NPIPB11: variants seen among roughly 807,000 people sequenced by gnomAD.
NPIPB11 encodes the protein nuclear pore complex-interacting protein family member B11.
NPIPB11 carries 17 observed loss-of-function variants against 32.8 expected under a neutral mutation model. The ratio of observed to expected loss-of-function variants is 0.52; its 90% CI spans 0.35 to 0.78. NPIPB11 has a LOEUF of 0.78. NPIPB11 is among the 30% of genes least tolerant of loss of function. The probability of loss-of-function intolerance (pLI) is 0.01; values close to 1 mark genes in which losing one functional copy is unlikely to be tolerated. For synonymous variants in NPIPB11, 209 were observed against 398.4 expected (o/e 0.52, Z 5.66); for missense variants, 537 against 1,000.4 (o/e 0.54, Z 6.25).
intron 5 of NPIPB11, among the ~76,000 whole-genome samples, chr16:29,389,668 GAAAAAA>G (rs1160526743): frequency 2.7e-3 from 47 of 17,286 alleles, no homozygotes; most frequent in East Asian, 0.017. Context: ...TCCATCTCAG[GAAAAAA>G]AAAAAAAAAA....
upstream of NPIPB11, among the ~76,000 whole-genome samples, chr16:29,405,691 G>C (rs574589728): frequency 7.4e-4 from 113 of 152,210 alleles, no homozygotes; most frequent in Middle Eastern, 6.8e-3. Flanking sequence ...CCAGCCCATG[G>C]AGAATAATTT....
chr16:29,391,790 G>T (rs1168774430), intron 3 of NPIPB11, among the ~76,000 whole-genome samples: 2 of 152,030 alleles, frequency 1.3e-5, no homozygotes, highest in African/African-American at 2.4e-5. Flanking sequence ...GCGCTACCTT[G>T]GCTCACGGCA....
intron 2 of NPIPB11, chr16:29,397,745 TGGGGAGGGGGA>T (rs1370994449): frequency 2.4e-5 from 4 of 168,532 alleles, no homozygotes; most frequent in East Asian, 1.9e-4. Flanking sequence ...GGATCTGAGT[TGGGGAGGGGGA>T]GGGGAGGGGG....
At chr16:29,389,274 A>G (rs1963648668) in intron 5 of NPIPB11, among the ~76,000 whole-genome samples, 1 of 150,166 alleles carries the variant, frequency 6.7e-6, no homozygotes, top group Non-Finnish European at 1.5e-5. Flanking sequence ...CTGAGGCAGA[A>G]TTGCTTCAAA....
intron 5 of NPIPB11, among the ~76,000 whole-genome samples, chr16:29,389,051 C>T (rs1455948375): frequency 2.0e-5 from 3 of 151,342 alleles, no homozygotes; most frequent in Non-Finnish European, 2.9e-5. Context: ...AAAAATTATC[C>T]GGGCATGGTG....
exon 3 of NPIPB11, chr16:29,393,981 T>G (rs1164707328): frequency 6.3e-7 from 1 of 1,599,428 alleles, no homozygotes. Context: ...TAATGACAAC[T>G]TTATAACTTG....
At chr16:29,402,724 C>CTCTCTCTCTCTGTGTGTGTG (rs1449821025) in intron 2 of NPIPB11, among the ~76,000 whole-genome samples, 4 of 119,634 alleles carry the variant, frequency 3.3e-5, no homozygotes, top group Admixed American at 8.9e-5. Flanking sequence ...CTCTCTCTCT[C>CTCTCTCTCTCTGTGTGTGTG]TGTGTGTGTG....
In NPIPB11 at chr16:29,403,079, A is replaced by ATT. The variant is rs552934163; in HGVS notation, c.120+602_120+603dup. Among the ~76,000 whole-genome samples the ATT allele has an allele frequency of 4.2e-4, 56 of 134,262 alleles. 1 individual carries two copies. Among genetic ancestry groups the ATT allele is most frequent in the South Asian group, 1.2e-3 (5 of 4,202 alleles). 88.1% of individuals were successfully genotyped at this position (134,262 alleles called of 152,430 possible). ...TTTCCTTTTCAAATTTTGCAGGATA[A>ATT]TTTTTTTTTTTTTTTTTTGACAGAG... On this transcript the variant is annotated intron_variant, in intron 2 of 7. Transcript: ENST00000524087.
chr16:29,399,594 A>C (rs1011200392), intron 2 of NPIPB11, among the ~76,000 whole-genome samples: 3 of 151,514 alleles, frequency 2.0e-5, no homozygotes, highest in African/African-American at 7.3e-5. Context: ...CCTACTTGGG[A>C]GGCTGAGGCA....
chr16:29,395,593 GT>G (rs1963832894), intron 2 of NPIPB11, among the ~76,000 whole-genome samples: 2 of 115,954 alleles, frequency 1.7e-5, no homozygotes, highest in African/African-American at 7.7e-5. Context: ...ATGAATCTTT[GT>G]CATTTAAAGC....
chr16:29,406,329 C>T (rs1372980166), upstream of NPIPB11, among the ~76,000 whole-genome samples: 4 of 152,256 alleles, frequency 2.6e-5, no homozygotes, highest in Admixed American at 1.3e-4. Context: ...TGTTGATATA[C>T]GTGTTCCAAA....
At chr16:29,401,982 C>G (rs1234306336) in intron 2 of NPIPB11, among the ~76,000 whole-genome samples, 1 of 151,350 alleles carries the variant, frequency 6.6e-6, no homozygotes, top group Admixed American at 6.6e-5. Context: ...CTACCCCACA[C>G]TCTGTGATGC....
chr16:29,397,185 T>G (rs1167049268), intron 2 of NPIPB11, among the ~76,000 whole-genome samples: 1 of 143,712 alleles, frequency 7.0e-6, no homozygotes, highest in African/African-American at 2.6e-5. Flanking sequence ...AAAAAAAAAG[T>G]CATCAAACCA....
intron 3 of NPIPB11, among the ~76,000 whole-genome samples, chr16:29,391,797 G>A (rs934071003): frequency 6.6e-5 from 10 of 151,994 alleles, no homozygotes; most frequent in South Asian, 4.1e-4. Flanking sequence ...CTTGGCTCAC[G>A]GCAGCCTCCA....
chr16:29,391,746 G>A (rs1488120206), intron 3 of NPIPB11, among the ~76,000 whole-genome samples: 1 of 152,038 alleles, frequency 6.6e-6, no homozygotes, highest in Non-Finnish European at 1.5e-5. Context: ...TTCTTGAGAT[G>A]GAGTGTCACT....
At chr16:29,390,562 G>T (rs539467328) in intron 3 of NPIPB11, among the ~76,000 whole-genome samples, 6 of 150,774 alleles carry the variant, frequency 4.0e-5, no homozygotes, top group African/African-American at 1.5e-4. Flanking sequence ...CTGAGGCAGA[G>T]AACCGTTTGA....
At chr16:29,394,418 A>T (rs1346002018) in intron 2 of NPIPB11, among the ~76,000 whole-genome samples, 1 of 13,536 alleles carries the variant, frequency 7.4e-5, no homozygotes, top group East Asian at 0.17. Context: ...TGATGATCTA[A>T]AAAAAAACCT....
exon 5 of NPIPB11, chr16:29,390,028 A>T (rs1963675703): frequency 6.3e-7 from 1 of 1,595,312 alleles, no homozygotes. Flanking sequence ...TTTAGCTCTA[A>T]CTTTTGTTTC....
chr16:29,400,100 G>A (rs1356812306), intron 2 of NPIPB11, among the ~76,000 whole-genome samples: 19 of 151,786 alleles, frequency 1.3e-4, no homozygotes, highest in Admixed American at 3.3e-4. Flanking sequence ...AGAAGCCCTC[G>A]GATTTCGGTT....
Sources: gnomAD v4.1 joint callset for allele counts (sites outside exome capture counted in the v4.1 genomes callset) on GRCh38, gnomAD v4.1.1 for gene constraint, MANE v1.5 for transcripts, NCBI Gene and HGNC (gene_info 2026-07-23, HGNC 2026-07-21) for gene names.